RNF24: variants seen among roughly 807,000 people sequenced by gnomAD.
RNF24 encodes ring finger protein 24.
Under a neutral mutation model 20.0 loss-of-function variants are expected in RNF24, and 14 were observed. The observed-to-expected ratio is 0.70, with a 90% CI of 0.46 to 1.10. The LOEUF (loss-of-function observed/expected upper bound fraction) is 1.10. Ranked by LOEUF, RNF24 falls within the 50% of genes least tolerant of loss-of-function variation. The pLI is 0.00. For missense variants in RNF24, 124 were observed against 177.6 expected (o/e 0.70, Z 1.71); for synonymous variants, 45 against 61.1 (o/e 0.74, Z 1.23).
chr20:3,987,310 G>A (rs1980015268), intron 1 of RNF24, among the ~76,000 whole-genome samples: 4 of 152,232 alleles, frequency 2.6e-5, no homozygotes, highest in Admixed American at 2.6e-4. Context: ...GAAATACGAA[G>A]CAATGAGCGG....
chr20:3,961,280 G>A (rs1024153980), intron 2 of RNF24, among the ~76,000 whole-genome samples: 3 of 151,776 alleles, frequency 2.0e-5, no homozygotes, highest in African/African-American at 7.3e-5. Flanking sequence ...TGGGTGTCTA[G>A]AGTCCCAGCT....
chr20:3,974,292 A>C, intron 1 of RNF24: 1 of 1,544,846 alleles, frequency 6.5e-7, no homozygotes, highest in Non-Finnish European at 8.7e-7. Context: ...AAAACTGTAC[A>C]GCTAATATTA....
chr20:3,957,424 C>G (rs553456125), intron 2 of RNF24, among the ~76,000 whole-genome samples: 105 of 148,736 alleles, frequency 7.1e-4, no homozygotes, highest in Admixed American at 1.2e-3. Context: ...TGACATTGCT[C>G]TCCAGCCTGG....
intron 1 of RNF24, among the ~76,000 whole-genome samples, chr20:3,981,996 T>C (rs956930456): frequency 5.3e-5 from 8 of 151,948 alleles, no homozygotes; most frequent in South Asian, 2.1e-4. Context: ...TGCATGCCTA[T>C]GGTCCCAGCG....
At chr20:3,993,201 G>A (rs539797032) in intron 1 of RNF24, among the ~76,000 whole-genome samples, 64 of 152,188 alleles carry the variant, frequency 4.2e-4, no homozygotes, top group Middle Eastern at 3.4e-3. Context: ...ATGCTCCCCA[G>A]TATTCAGATG....
intron 1 of RNF24, among the ~76,000 whole-genome samples, chr20:4,008,376 A>ATAATATATTATATG (rs1555803316): frequency 3.1e-4 from 11 of 35,640 alleles, no homozygotes; most frequent in African/African-American, 1.5e-3. Flanking sequence ...TATATTATAT[A>ATAATATATTATATG]TATAATATAT....
chr20:3,946,655 A>G (rs241637), intron 3 of RNF24, among the ~76,000 whole-genome samples: 45,165 of 146,984 alleles, frequency 0.31, 7,641 homozygotes, highest in African/African-American at 0.45. Flanking sequence ...AGCTGTGATC[A>G]TGCCACTGCA....
At chr20:3,983,673 G>C (rs1434666686) in intron 1 of RNF24, among the ~76,000 whole-genome samples, 1 of 152,002 alleles carries the variant, frequency 6.6e-6, no homozygotes, top group East Asian at 1.9e-4. Context: ...AGGCGTCGTG[G>C]CTCACACCTG....
intron 1 of RNF24, among the ~76,000 whole-genome samples, chr20:4,007,941 C>A (rs1234672480): frequency 6.6e-6 from 1 of 150,950 alleles, no homozygotes; most frequent in Admixed American, 6.6e-5. Context: ...ACCCCCGCCC[C>A]CCACAAAACC....
At chr20:4,008,834 C>A (rs546170872) in intron 1 of RNF24, among the ~76,000 whole-genome samples, 1 of 151,882 alleles carries the variant, frequency 6.6e-6, no homozygotes, top group Non-Finnish European at 1.5e-5. Flanking sequence ...CATAAGCCAC[C>A]ATGCCCGGCC....
chr20:3,934,211 G>A lies in RNF24; in HGVS notation c.309-10C>T. On this transcript the variant is annotated splice_polypyrimidine_tract_variant and intron_variant, in intron 5 of 5. Transcript: ENST00000358395. This position sits in a 1 kb window ranked among gnomAD's most constrained non-coding sequence, Gnocchi z 4.0. ...CCACTTAATAAGGCACCTGCAGAAG[G>A]AGACACCACAGGGGGAAGATGTCAG... is the stretch of plus-strand genomic sequence containing the variant. The A allele has an allele frequency of 6.2e-7, 1 of 1,604,596 alleles. No individual in the cohort carries two copies. Among genetic ancestry groups the A allele is most frequent in the East Asian group, 2.3e-5 (1 of 43,558 alleles).
chr20:3,984,019 G>C (rs1490005093), intron 1 of RNF24, among the ~76,000 whole-genome samples: 1 of 151,690 alleles, frequency 6.6e-6, no homozygotes, highest in Non-Finnish European at 1.5e-5. Flanking sequence ...AGTGCTTTGG[G>C]AGGCTAGGGT....
At chr20:4,008,321 T>A (rs1297701488) in intron 1 of RNF24, among the ~76,000 whole-genome samples, 1 of 91,720 alleles carries the variant, frequency 1.1e-5, no homozygotes. Flanking sequence ...TATATATATA[T>A]TATATATATA....
chr20:3,940,978 C>A (rs550313539), intron 4 of RNF24, among the ~76,000 whole-genome samples: 1 of 152,266 alleles, frequency 6.6e-6, no homozygotes, highest in African/African-American at 2.4e-5. Flanking sequence ...TGCATAGCAA[C>A]AGAAATGGTA....
At chr20:3,963,796 T>A (rs1225805024) in intron 2 of RNF24, 79 bp downstream of exon 2, 29 of 1,276,182 alleles carry the variant, frequency 2.3e-5, no homozygotes, top group East Asian at 1.4e-4. Flanking sequence ...TACTTCATTT[T>A]AAAAAAAATC....
At chr20:3,955,021 T>C (rs1336874016) in intron 2 of RNF24, among the ~76,000 whole-genome samples, 1 of 152,192 alleles carries the variant, frequency 6.6e-6, no homozygotes, top group African/African-American at 2.4e-5. Flanking sequence ...TCATTAACAC[T>C]TGTTATTTTT....
At chr20:3,954,861 T>C (rs1020086213) in intron 2 of RNF24, among the ~76,000 whole-genome samples, 5 of 151,246 alleles carry the variant, frequency 3.3e-5, no homozygotes, top group African/African-American at 1.2e-4. Context: ...ATCGCGCCAT[T>C]GCACTCTAGC....
intron 2 of RNF24, among the ~76,000 whole-genome samples, chr20:3,958,510 A>G (rs1239091422): frequency 6.6e-6 from 1 of 152,206 alleles, no homozygotes; most frequent in Non-Finnish European, 1.5e-5. Flanking sequence ...ACCAAAGATT[A>G]AGGATGCAAA....
chr20:4,004,542 C>T (rs1375019183), intron 1 of RNF24, among the ~76,000 whole-genome samples: 1 of 151,866 alleles, frequency 6.6e-6, no homozygotes, highest in Non-Finnish European at 1.5e-5. Context: ...ATTTAAGGAT[C>T]TGGAGATGAG....
Sources: allele counts gnomAD v4.1 joint callset (sites outside exome capture counted in the v4.1 genomes callset), GRCh38; gene constraint gnomAD v4.1.1; non-coding constraint Gnocchi (gnomAD v3.1); transcripts MANE v1.5; gene names NCBI Gene and HGNC (gene_info 2026-07-23, HGNC 2026-07-21).